PSD3: variants seen among roughly 807,000 people sequenced by gnomAD.
PSD3 encodes the protein pleckstrin and Sec7 domain containing 3, also known as PH and SEC7 domain-containing protein 3.
A neutral mutation model predicts 105.5 loss-of-function variants in PSD3; 49 were observed. The observed-to-expected ratio is 0.46, with a 90% CI of 0.37 to 0.59. The LOEUF (loss-of-function observed/expected upper bound fraction) is 0.59. Among genes scored for constraint, PSD3 ranks in the 20% least tolerant of loss-of-function variants. The pLI, the probability that PSD3 is intolerant of heterozygous loss-of-function variation, is 0.00. For missense variants in PSD3, 1,561 were observed against 1,263.8 expected, an observed-to-expected ratio of 1.24 and a Z score of -3.57; for synonymous variants, 557 against 457.8, an observed-to-expected ratio of 1.22 and a Z score of -2.77.
chr8:18,965,373 G>A (rs12680402), intron 1 of PSD3, among the ~76,000 whole-genome samples: 61,669 of 151,936 alleles, frequency 0.41, 12,770 homozygotes, highest in African/African-American at 0.43. Flanking sequence ...AATAGGTTGC[G>A]CCCTTGAGGA....
intron 1 of PSD3, among the ~76,000 whole-genome samples, chr8:19,060,441 T>G (rs995847486): frequency 1.3e-5 from 2 of 152,098 alleles, no homozygotes; most frequent in African/African-American, 4.8e-5. Flanking sequence ...AATGTCTCAG[T>G]CTGGGCAACA....
At chr8:18,975,456 C>A (rs17127568) in intron 1 of PSD3, among the ~76,000 whole-genome samples, 1 of 151,766 alleles carries the variant, frequency 6.6e-6, no homozygotes, top group African/African-American at 2.4e-5. Context: ...CGCAGAAGAG[C>A]GTTTGTAGCC....
At position 18,652,391 on chromosome 8, in the gene PSD3, G is replaced by C. The variant is rs1421468161; in HGVS notation, c.2216+3251C>G. On this transcript the variant is annotated intron_variant, in intron 10 of 15. Transcript: ENST00000327040. ...CTAAGGGATAATATGAGGAAAATGG[G>C]TCAGAGAAAGTCTAGTTAGAGAGGT... 2.0e-5 allele frequency among the ~76,000 whole-genome samples: 3 copies of C among 151,852 alleles called. No individual in the cohort carries two copies. In the East Asian group the frequency reaches 5.8e-4, roughly 29 times the overall value.
chr8:18,585,320 T>C (rs759596148), intron 12 of PSD3, among the ~76,000 whole-genome samples: 3 of 152,186 alleles, frequency 2.0e-5, no homozygotes, highest in Non-Finnish European at 4.4e-5. Context: ...CCAGTCACTT[T>C]ATTTTTATTT....
At chr8:18,970,213 T>C (rs1824548821) in intron 1 of PSD3, among the ~76,000 whole-genome samples, 1 of 148,352 alleles carries the variant, frequency 6.7e-6, no homozygotes, top group East Asian at 2.0e-4. Context: ...TAGTCCCAGC[T>C]ACTCAGGAGG....
At chr8:18,588,489 G>A (rs767557086) in intron 12 of PSD3, among the ~76,000 whole-genome samples, 1 of 152,198 alleles carries the variant, frequency 6.6e-6, no homozygotes, top group South Asian at 2.1e-4. Context: ...TAAGTAGATA[G>A]TTTACAGCTA....
intron 4 of PSD3, among the ~76,000 whole-genome samples, chr8:18,816,603 T>G (rs1466852389): frequency 6.6e-6 from 1 of 152,238 alleles, no homozygotes; most frequent in African/African-American, 2.4e-5. Context: ...ACTCCAATTA[T>G]TTATTTAAAC....
At chr8:18,938,095 T>G (rs1327020319) in intron 1 of PSD3, among the ~76,000 whole-genome samples, 6 of 152,180 alleles carry the variant, frequency 3.9e-5, no homozygotes, top group African/African-American at 1.4e-4. Flanking sequence ...ACTGAAGCGT[T>G]TTATGGGATA....
rs556258304 is a variant in PSD3, at chr8:18,750,487, A to G, written c.2172+14962T>C. ...GCAGATCTTCGCGGTGAGTGTTACA[A>G]CTCATAAAAGCAGCGTGGACCCAAA... On this transcript the variant is annotated intron_variant, in intron 9 of 15. Transcript: ENST00000327040. Among the ~76,000 whole-genome samples the G allele has an allele frequency of 2.0e-3, 299 of 152,060 alleles. 1 individual carries two copies. The highest frequency in any genetic ancestry group is 6.7e-3 in the African/African-American group (277 of 41,486).
intron 1 of PSD3, among the ~76,000 whole-genome samples, chr8:18,962,530 T>C (rs1204164894): frequency 6.6e-6 from 1 of 152,176 alleles, no homozygotes; most frequent in Non-Finnish European, 1.5e-5. Context: ...ATATTGCTAA[T>C]GCAGCTCCAG....
chr8:18,757,179 G>A (rs1222431639), intron 9 of PSD3, among the ~76,000 whole-genome samples: 20 of 150,292 alleles, frequency 1.3e-4, no homozygotes, highest in Admixed American at 2.0e-4. Context: ...GGATCTGGAC[G>A]CGGTGGCTCA....
At chr8:18,834,995 G>C (rs1813987684) in intron 4 of PSD3, among the ~76,000 whole-genome samples, 1 of 152,176 alleles carries the variant, frequency 6.6e-6, no homozygotes, top group African/African-American at 2.4e-5. Flanking sequence ...CCATGTCAAA[G>C]ACATACAAAT....
At chr8:18,829,105 G>C (rs1586156615) in intron 4 of PSD3, among the ~76,000 whole-genome samples, 2 of 151,964 alleles carry the variant, frequency 1.3e-5, no homozygotes, top group East Asian at 3.9e-4. Context: ...AAATTAGTTG[G>C]GCATGGTGGC....
At position 18,772,316 on chromosome 8, in the gene PSD3, C is replaced by T. The variant is rs118027861; in HGVS notation, c.2083-6778G>A. ...TTTTGTGGACCCTCCAAGCTATTTTCCACAGTGATTGCACCATTTTACAAT... is the reference window on the plus strand; with the variant it reads ...TTTTGTGGACCCTCCAAGCTATTTTTCACAGTGATTGCACCATTTTACAAT... On this transcript the variant is annotated intron_variant, in intron 8 of 15. Transcript: ENST00000327040. Among the ~76,000 whole-genome samples, 302 of 152,224 alleles carry T rather than the reference C, an allele frequency of 2.0e-3. 2 individuals are homozygous for T. The East Asian group carries it at 0.027, about 14-fold the overall frequency.
chr8:19,045,543 G>C (rs961707267), intron 1 of PSD3, among the ~76,000 whole-genome samples: 2 of 152,236 alleles, frequency 1.3e-5, no homozygotes, highest in Non-Finnish European at 2.9e-5. Flanking sequence ...TCAGTAGCTG[G>C]TTTCTAGGAC....
At chr8:18,561,649 T>C (rs1024811069) in intron 14 of PSD3, among the ~76,000 whole-genome samples, 1 of 152,204 alleles carries the variant, frequency 6.6e-6, no homozygotes, top group Non-Finnish European at 1.5e-5. Flanking sequence ...ATCACAATTA[T>C]ACCTGGAAAT....
intron 14 of PSD3, among the ~76,000 whole-genome samples, chr8:18,568,675 G>C (rs1210560408): frequency 6.6e-6 from 1 of 151,078 alleles, no homozygotes; most frequent in Non-Finnish European, 1.5e-5. Flanking sequence ...TTTAAAATGG[G>C]CCTTTCTGCT....
At chr8:18,860,458 TA>T (rs5889834) in intron 4 of PSD3, among the ~76,000 whole-genome samples, 14,302 of 139,654 alleles carry the variant, frequency 0.1, 798 homozygotes, top group African/African-American at 0.17. Flanking sequence ...GTAATTTGAA[TA>T]AAAAAAAAAA....
chr8:18,668,349 T>C (rs1455492952), intron 9 of PSD3, among the ~76,000 whole-genome samples: 2 of 152,260 alleles, frequency 1.3e-5, no homozygotes, highest in Non-Finnish European at 2.9e-5. Context: ...ATATTTCATG[T>C]TTCGCCTGGT....
Sources: gnomAD v4.1 joint callset for allele counts (sites outside exome capture counted in the v4.1 genomes callset) on GRCh38, gnomAD v4.1.1 for gene constraint, MANE v1.5 for transcripts, NCBI Gene and HGNC (gene_info 2026-07-23, HGNC 2026-07-21) for gene names.